The following KDM4C variants were observed in gnomAD, a reference collection of about 807,000 sequenced individuals.
KDM4C encodes the protein lysine demethylase 4C, also known as lysine-specific demethylase 4C.
In KDM4C, 81 loss-of-function variants were observed where a neutral mutation model predicts 129.3. The observed-to-expected ratio is 0.63, with a 90% confidence interval of 0.52 to 0.75. KDM4C has a LOEUF of 0.75. KDM4C is among the 30% of genes least tolerant of loss of function. KDM4C has a pLI of 0.00. For missense variants in KDM4C, 1,457 were observed against 1,304.0 expected (o/e 1.12, Z -1.81); for synonymous variants, 573 against 456.1 (o/e 1.26, Z -3.26).
chr9:7,165,121 C>T lies in KDM4C; in HGVS notation c.2782-117C>T, dbSNP rs983054903. 148 of 1,215,958 alleles carry T rather than the reference C, an allele frequency of 1.2e-4. 1 individual carries two copies. The African/African-American group carries it at 2.0e-3, about 16-fold the overall frequency. 75.3% of individuals were successfully genotyped at this position (1,215,958 alleles called of 1,614,324 possible). On this transcript the variant is annotated intron_variant, in intron 19 of 21. Coordinates refer to ENST00000381309, the MANE Select transcript of KDM4C (RefSeq NM_015061.6). ...CTGAACACCCATGCGAGATCATAAT[C>T]CATAAAACACAGAGGCAATAACTCC...
At position 7,055,695 on chromosome 9, in the gene KDM4C, A is replaced by G. The variant is rs76514912; in HGVS notation, c.2424+6495A>G. Among the ~76,000 whole-genome samples, 842 of 152,278 alleles carry G rather than the reference A, an allele frequency of 5.5e-3. 13 individuals are homozygous for G. The highest frequency in any genetic ancestry group is 0.018 in the African/African-American group (760 of 41,552). ...GGGAGAAAATACAATCACACTTCCT[A>G]TTTCTTAGACGAAGGCGCATGTTCT... On this transcript the variant is annotated intron_variant, in intron 17 of 21. Coordinates refer to ENST00000381309, the MANE Select transcript of KDM4C (RefSeq NM_015061.6).
intron 9 of KDM4C, among the ~76,000 whole-genome samples, 181 bp downstream of exon 9, chr9:6,981,299 A>G (rs561646099): frequency 3.3e-5 from 5 of 152,300 alleles, no homozygotes; most frequent in Non-Finnish European, 4.4e-5. Context: ...ATAGGAAGAG[A>G]TGTATATTTA....
At chr9:6,985,293 A>C (rs747970805) in intron 10 of KDM4C, among the ~76,000 whole-genome samples, 3 of 152,244 alleles carry the variant, frequency 2.0e-5, no homozygotes, top group Non-Finnish European at 4.4e-5. Context: ...TAAAAGAAAA[A>C]GTCTTCACAT....
intron 5 of KDM4C, among the ~76,000 whole-genome samples, chr9:6,862,461 A>G (rs1165328390): frequency 2.6e-5 from 4 of 152,130 alleles, no homozygotes; most frequent in African/African-American, 4.8e-5. Flanking sequence ...TTAATTCTCA[A>G]GGAGATTTCC....
rs889813463 is a variant in KDM4C, at chr9:7,144,241, G to C, written c.2781+16005G>C. Among the ~76,000 whole-genome samples the C allele has an allele frequency of 6.6e-5, 10 of 152,024 alleles. No individual in the cohort carries two copies. In the East Asian group the frequency reaches 1.9e-3, roughly 29 times the overall value. ...CAAACTTTGGGAGGCCAAGGTGAGA[G>C]AGATTACAGGCATGAGCTACCATGC... On this transcript the variant is annotated intron_variant, in intron 19 of 21. Coordinates refer to ENST00000381309, the MANE Select transcript of KDM4C (RefSeq NM_015061.6).
chr9:6,903,688 A>AT (rs1817790648), intron 8 of KDM4C, among the ~76,000 whole-genome samples: 1 of 152,192 alleles, frequency 6.6e-6, no homozygotes, highest in Admixed American at 6.5e-5. Context: ...ATTTTTAAAA[A>AT]TTTTACAGAA....
At chr9:7,012,327 C>T (rs1431986600) in intron 13 of KDM4C, among the ~76,000 whole-genome samples, 1 of 152,194 alleles carries the variant, frequency 6.6e-6, no homozygotes, top group Non-Finnish European at 1.5e-5. Context: ...AATCCTTCCG[C>T]TTTGGTCTCC....
Position 7,050,217 on chromosome 9 carries a change from A to C in KDM4C, c.2424+1017A>C, listed in dbSNP as rs562736095. On this transcript the variant is annotated intron_variant, in intron 17 of 21. Coordinates refer to ENST00000381309, the MANE Select transcript of KDM4C (RefSeq NM_015061.6). ...AGAATTTCACTTCACTAGGAAATAT[A>C]TGGGCCTTTCATGGAACTGATGATT... 2.4e-3 allele frequency among the ~76,000 whole-genome samples: 358 copies of C among 152,068 alleles called. 1 individual carries two copies. The highest frequency in any genetic ancestry group is 3.9e-3 in the Non-Finnish European group (263 of 67,980).
At chr9:6,765,312 C>T (rs1820396829) in intron 1 of KDM4C, among the ~76,000 whole-genome samples, 1 of 152,002 alleles carries the variant, frequency 6.6e-6, no homozygotes, top group African/African-American at 2.4e-5. Flanking sequence ...ACTGATTTCT[C>T]CTCTCATTTT....
intron 8 of KDM4C, among the ~76,000 whole-genome samples, chr9:6,965,504 T>G (rs1454486790): frequency 1.3e-5 from 2 of 152,180 alleles, no homozygotes; most frequent in African/African-American, 2.4e-5. Flanking sequence ...TGTGTCTGTT[T>G]ATGGATATGT....
At chr9:6,817,958 G>C (rs1041242034) in intron 4 of KDM4C, among the ~76,000 whole-genome samples, 1 of 151,702 alleles carries the variant, frequency 6.6e-6, no homozygotes, top group African/African-American at 2.4e-5. Flanking sequence ...GTAGAGACGG[G>C]GTTTCACCAT....
At chr9:6,796,164 G>C (rs1827711717) in intron 2 of KDM4C, among the ~76,000 whole-genome samples, 1 of 152,128 alleles carries the variant, frequency 6.6e-6, no homozygotes, top group Non-Finnish European at 1.5e-5. Flanking sequence ...ATCTCATTTG[G>C]GCTGGGTGTG....
chr9:6,916,944 C>T (rs1375809961), intron 8 of KDM4C, among the ~76,000 whole-genome samples: 1 of 152,156 alleles, frequency 6.6e-6, no homozygotes, highest in Non-Finnish European at 1.5e-5. Flanking sequence ...TAATTTTTCT[C>T]TCTGGTTTTG....
chr9:6,943,782 C>T (rs1301819895), intron 8 of KDM4C, among the ~76,000 whole-genome samples: 5 of 152,194 alleles, frequency 3.3e-5, no homozygotes, highest in African/African-American at 1.2e-4. Context: ...GAATGGAAGG[C>T]CTTCTGTGTC....
At chr9:7,059,368 G>C (rs1831301383) in intron 17 of KDM4C, among the ~76,000 whole-genome samples, 1 of 152,166 alleles carries the variant, frequency 6.6e-6, no homozygotes, top group South Asian at 2.1e-4. Flanking sequence ...CTCCCGAGTA[G>C]CTGGGATTAC....
chr9:6,834,710 T>A, intron 4 of KDM4C: 1 of 886,516 alleles, frequency 1.1e-6, no homozygotes, highest in South Asian at 1.3e-5. Flanking sequence ...GGAGAAGATC[T>A]GGCACCACAC....
intron 4 of KDM4C, among the ~76,000 whole-genome samples, chr9:6,831,366 T>C (rs1206739596): frequency 8.2e-6 from 1 of 122,258 alleles, no homozygotes; most frequent in Non-Finnish European, 1.6e-5. Context: ...AGATCTTTTT[T>C]ATTTTTATTT....
intron 15 of KDM4C, among the ~76,000 whole-genome samples, chr9:7,043,581 G>A (rs913537945): frequency 6.6e-6 from 1 of 151,982 alleles, no homozygotes; most frequent in Non-Finnish European, 1.5e-5. Flanking sequence ...TGAATGGACA[G>A]GTTGGCATCT....
chr9:7,118,630 A>G (rs2133273194), intron 18 of KDM4C, among the ~76,000 whole-genome samples: 1 of 152,344 alleles, frequency 6.6e-6, no homozygotes, highest in East Asian at 1.9e-4. Flanking sequence ...AACAAAGTTG[A>G]GATGGTGAAA....
Sources: allele counts gnomAD v4.1 joint callset (sites outside exome capture counted in the v4.1 genomes callset), GRCh38; gene constraint gnomAD v4.1.1; transcripts MANE v1.5; gene names NCBI Gene and HGNC (gene_info 2026-07-23, HGNC 2026-07-21).